Variants in FAM13A observed in about 807,000 individuals in gnomAD.
FAM13A encodes the protein family with sequence similarity 13 member A.
In FAM13A, 76 loss-of-function variants were observed where a neutral mutation model predicts 129.6. The observed-to-expected ratio is 0.59, with a 90% confidence interval of 0.49 to 0.71. FAM13A has a LOEUF of 0.71. Ranked by LOEUF, FAM13A falls within the 30% of genes least tolerant of loss-of-function variation. The probability of loss-of-function intolerance (pLI) is 0.00; values close to 1 mark genes in which losing one functional copy is unlikely to be tolerated. For missense variants in FAM13A, 1,108 were observed against 1,249.3 expected, an observed-to-expected ratio of 0.89 and a Z score of 1.70; for synonymous variants, 443 against 449.9, an observed-to-expected ratio of 0.98 and a Z score of 0.20.
chr4:88,881,260 G>A (rs769854115), intron 6 of FAM13A, among the ~76,000 whole-genome samples: 2 of 152,178 alleles, frequency 1.3e-5, no homozygotes, highest in African/African-American at 2.4e-5. Context: ...GTGGGGGCTC[G>A]TATCCATGTC....
intron 5 of FAM13A, 24 bp from the exon 6 acceptor site, chr4:88,906,486 C>T: frequency 6.6e-7 from 1 of 1,505,322 alleles, no homozygotes; most frequent in Non-Finnish European, 9.1e-7. Context: ...ATAAAGGAAA[C>T]ATTAGAGATT....
At chr4:88,945,982 G>GTA (rs1755686074) in intron 4 of FAM13A, among the ~76,000 whole-genome samples, 2 of 24,822 alleles carry the variant, frequency 8.1e-5, no homozygotes, top group South Asian at 1.8e-3. Context: ...GTGTGTGTGT[G>GTA]TGTGTGTGTA....
intron 4 of FAM13A, among the ~76,000 whole-genome samples, chr4:88,965,586 A>G (rs1275712202): frequency 6.6e-6 from 1 of 152,098 alleles, no homozygotes; most frequent in African/African-American, 2.4e-5. Context: ...AAAAAACAAG[A>G]TGAAATTTGC....
intron 4 of FAM13A, among the ~76,000 whole-genome samples, chr4:88,967,734 CAAAT>C (rs879397904): frequency 2.0e-5 from 3 of 152,140 alleles, no homozygotes; most frequent in Non-Finnish European, 4.4e-5. Context: ...ATTAGAAAAA[CAAAT>C]AAACCAAACT....
intron 4 of FAM13A, among the ~76,000 whole-genome samples, chr4:88,956,443 G>A (rs988287977): frequency 3.3e-5 from 5 of 152,016 alleles, no homozygotes; most frequent in African/African-American, 1.2e-4. Flanking sequence ...TGATGCTCAC[G>A]CATGTACGAA....
chr4:88,914,833 A>T (rs1749814670), intron 5 of FAM13A, among the ~76,000 whole-genome samples: 1 of 152,192 alleles, frequency 6.6e-6, no homozygotes, highest in Non-Finnish European at 1.5e-5. Context: ...TCAACTTCAC[A>T]TTTCCCTTCC....
chr4:88,894,214 G>C (rs1333905389), intron 6 of FAM13A, among the ~76,000 whole-genome samples: 1 of 152,162 alleles, frequency 6.6e-6, no homozygotes, highest in Non-Finnish European at 1.5e-5. Context: ...ATTTCCATGT[G>C]CATAGAATGA....
intron 7 of FAM13A, among the ~76,000 whole-genome samples, chr4:88,816,975 C>A (rs1730854064): frequency 6.6e-6 from 1 of 152,092 alleles, no homozygotes; most frequent in Non-Finnish European, 1.5e-5. Flanking sequence ...GTGGAAATAA[C>A]CCAAATGTCC....
intron 3 of FAM13A, among the ~76,000 whole-genome samples, chr4:89,014,456 G>T (rs571655058): frequency 6.6e-6 from 1 of 152,180 alleles, no homozygotes; most frequent in Non-Finnish European, 1.5e-5. Context: ...TCTTCAATTA[G>T]AAGTTTGGTG....
chr4:88,855,926 A>G (rs191395054), intron 6 of FAM13A: 140 of 152,290 alleles, frequency 9.2e-4, no homozygotes, highest in African/African-American at 3.2e-3. Context: ...ATGAAGCAGG[A>G]GGGATTTCGT....
intron 3 of FAM13A, among the ~76,000 whole-genome samples, chr4:89,006,202 A>AAGACCATATAGTCAT (rs1314961117): frequency 7.2e-6 from 1 of 138,600 alleles, no homozygotes; most frequent in African/African-American, 2.6e-5. Context: ...AGCTTTGTTG[A>AAGACCATATAGTCAT]AGACCATATA....
intron 7 of FAM13A, among the ~76,000 whole-genome samples, chr4:88,840,291 G>C (rs571263499): frequency 7.9e-5 from 12 of 152,284 alleles, no homozygotes; most frequent in African/African-American, 2.6e-4. Context: ...GTGGTGTGTG[G>C]ATTGAAGAAT....
chr4:89,020,810 A>G lies in FAM13A; in HGVS notation c.218-141T>C, dbSNP rs941109036. 4.8e-5 allele frequency: 31 copies of G among 644,726 alleles called. No individual in the cohort carries two copies. The African/African-American group carries it at 5.3e-4, about 11-fold the overall frequency. The allele number at this position is 644,726 out of a possible 1,614,324, so 39.9% of individuals were successfully genotyped here. ...TTATCAATCATTGTGTAATTTTCAC[A>G]TTTTGTAAAACTTTCCTTAGAATAA... is the stretch of plus-strand genomic sequence containing the variant. On this transcript the variant is annotated intron_variant, in intron 2 of 23. Coordinates refer to ENST00000264344, the MANE Select transcript of FAM13A (RefSeq NM_014883.4).
intron 4 of FAM13A, among the ~76,000 whole-genome samples, chr4:88,960,383 G>A (rs372727047): frequency 6.6e-6 from 1 of 152,110 alleles, no homozygotes; most frequent in Admixed American, 6.5e-5. Flanking sequence ...TATAACTGAA[G>A]ATATGAGGAA....
At chr4:88,925,435 C>CT (rs1439045388) in intron 5 of FAM13A, among the ~76,000 whole-genome samples, 2 of 151,868 alleles carry the variant, frequency 1.3e-5, no homozygotes, top group Admixed American at 1.3e-4. Flanking sequence ...AATCATCATT[C>CT]TCAGTAAACT....
At chr4:88,777,091 T>TA (rs1721886867) in intron 11 of FAM13A, among the ~76,000 whole-genome samples, 1 of 151,662 alleles carries the variant, frequency 6.6e-6, no homozygotes, top group African/African-American at 2.4e-5. Flanking sequence ...CTCAAAGTAT[T>TA]AAACTCTGCC....
At position 88,731,323 on chromosome 4, in the gene FAM13A, C is replaced by G; in HGVS notation, c.2945+4G>C. 6.4e-7 allele frequency: 1 copy of G among 1,572,944 alleles called. No homozygotes were observed. Among genetic ancestry groups the G allele is most frequent in the African/African-American group, 1.3e-5 (1 of 74,320 alleles). Reference sequence around the variant, plus strand: ...AAGGGAGGGTGGGGGAAGACAGGCACTACCTTCCATTCTGTCTGAAAAAGT... The same window carrying G: ...AAGGGAGGGTGGGGGAAGACAGGCAGTACCTTCCATTCTGTCTGAAAAAGT... On this transcript the variant is annotated splice_donor_region_variant and intron_variant, in intron 23 of 23. Transcript: ENST00000264344.
chr4:88,963,495 A>C (rs1385736180), intron 4 of FAM13A, among the ~76,000 whole-genome samples: 1 of 152,022 alleles, frequency 6.6e-6, no homozygotes, highest in Non-Finnish European at 1.5e-5. Context: ...ACGGGGTTTC[A>C]TCATGTAGGC....
intron 4 of FAM13A, among the ~76,000 whole-genome samples, chr4:88,970,844 G>T (rs1759982562): frequency 6.6e-6 from 1 of 152,052 alleles, no homozygotes; most frequent in African/African-American, 2.4e-5. Flanking sequence ...AAAATGAGAT[G>T]AAATTAATGA....
Sources: gnomAD v4.1 joint callset for allele counts (sites outside exome capture counted in the v4.1 genomes callset) on GRCh38, gnomAD v4.1.1 for gene constraint, MANE v1.5 for transcripts, NCBI Gene and HGNC (gene_info 2026-07-23, HGNC 2026-07-21) for gene names.